The following PCDH15 variants were observed in gnomAD, a reference collection of about 807,000 sequenced individuals.
The protein encoded by PCDH15 is protocadherin-15.
PCDH15 carries 129 observed loss-of-function variants against 178.5 expected under a neutral mutation model. The ratio of observed to expected loss-of-function variants is 0.72; its 90% CI spans 0.63 to 0.84. PCDH15 has a LOEUF of 0.84. Ranked by LOEUF, PCDH15 falls within the 40% of genes least tolerant of loss-of-function variation. The pLI, the probability that PCDH15 is intolerant of heterozygous loss-of-function variation, is 0.00. For synonymous variants in PCDH15, 800 were observed against 732.0 expected (o/e 1.09, Z -1.50); for missense variants, 2,230 against 2,099.9 (o/e 1.06, Z -1.21).
chr10:54,956,207 G>A (rs74138828), intron 2 of PCDH15, among the ~76,000 whole-genome samples: 330 of 151,202 alleles, frequency 2.2e-3, no homozygotes, highest in African/African-American at 7.6e-3. Context: ...GACCACATAA[G>A]TATTGTGTAT....
chr10:54,126,260 A>G (rs35085833), intron 15 of PCDH15, among the ~76,000 whole-genome samples: 63,209 of 151,674 alleles, frequency 0.42, 14,766 homozygotes, highest in African/African-American at 0.63. Flanking sequence ...TAGTAGAGAC[A>G]GGGATTCACC....
intron 2 of PCDH15, among the ~76,000 whole-genome samples, chr10:55,612,976 T>A (rs1470350679): frequency 6.6e-6 from 1 of 151,796 alleles, no homozygotes; most frequent in African/African-American, 2.4e-5. Flanking sequence ...TATCTTCCTG[T>A]CAGAAAAGTT....
At chr10:54,108,045 G>A (rs1210840536) in intron 15 of PCDH15, among the ~76,000 whole-genome samples, 1 of 152,172 alleles carries the variant, frequency 6.6e-6, no homozygotes, top group Non-Finnish European at 1.5e-5. Flanking sequence ...CATGGTGTCT[G>A]CATGGGAAGG....
At chr10:55,073,862 C>T (rs900000628) in intron 2 of PCDH15, among the ~76,000 whole-genome samples, 1 of 151,892 alleles carries the variant, frequency 6.6e-6, no homozygotes, top group Admixed American at 6.6e-5. Flanking sequence ...CTCTTGCTCC[C>T]CCCCATCTCC....
chr10:55,137,634 A>G (rs1838232680), intron 2 of PCDH15, among the ~76,000 whole-genome samples: 1 of 152,014 alleles, frequency 6.6e-6, no homozygotes, highest in South Asian at 2.1e-4. Context: ...TAATTAGTTG[A>G]AACAGGTCAA....
intron 15 of PCDH15, among the ~76,000 whole-genome samples, chr10:54,127,706 T>TGC (rs1416299755): frequency 6.6e-6 from 1 of 152,188 alleles, no homozygotes; most frequent in Non-Finnish European, 1.5e-5. Context: ...AGTCCAAGCC[T>TGC]GCATTATATT....
chr10:54,237,451 A>G (rs929437175), intron 8 of PCDH15, among the ~76,000 whole-genome samples: 3 of 152,164 alleles, frequency 2.0e-5, no homozygotes, highest in African/African-American at 7.2e-5. Flanking sequence ...TAAATATTGC[A>G]GGTATTTACA....
chr10:55,618,122 T>A (rs1056309233), intron 2 of PCDH15, among the ~76,000 whole-genome samples: 2 of 152,136 alleles, frequency 1.3e-5, no homozygotes, highest in African/African-American at 2.4e-5. Flanking sequence ...AATCCAGGAT[T>A]TTTTTTCTAT....
chr10:54,776,748 A>C (rs1307694211), intron 1 of PCDH15, among the ~76,000 whole-genome samples: 1 of 152,158 alleles, frequency 6.6e-6, no homozygotes, highest in East Asian at 1.9e-4. Flanking sequence ...GTCATGTTTT[A>C]TGCTCGGTTT....
intron 23 of PCDH15, among the ~76,000 whole-genome samples, chr10:53,941,612 G>A (rs1419701124): frequency 6.6e-6 from 1 of 152,096 alleles, no homozygotes; most frequent in African/African-American, 2.4e-5. Context: ...TATGACTAAA[G>A]CCACTATAAA....
chr10:54,913,388 G>C (rs1165896161), intron 2 of PCDH15, among the ~76,000 whole-genome samples: 6 of 152,214 alleles, frequency 3.9e-5, no homozygotes. Flanking sequence ...GCTTCCATAT[G>C]TGTGCAGAGG....
At chr10:53,904,279 G>A (rs113161077) in intron 25 of PCDH15, among the ~76,000 whole-genome samples, 12 of 151,894 alleles carry the variant, frequency 7.9e-5, no homozygotes, top group South Asian at 4.1e-4. Flanking sequence ...ATGAACAAAC[G>A]GCAATTAACG....
chr10:54,242,130 T>TTATATA (rs57729172), intron 8 of PCDH15, among the ~76,000 whole-genome samples: 23 of 31,676 alleles, frequency 7.3e-4, no homozygotes, highest in Non-Finnish European at 9.7e-4. Flanking sequence ...AATTCTATTT[T>TTATATA]TATATATATA....
At chr10:54,124,870 A>C (rs1454344058) in intron 15 of PCDH15, among the ~76,000 whole-genome samples, 2 of 152,216 alleles carry the variant, frequency 1.3e-5, no homozygotes, top group African/African-American at 2.4e-5. Context: ...AATACCTCTG[A>C]CAGGACCTGT....
At position 55,316,120 on chromosome 10, in the gene PCDH15, A is replaced by C. The variant is rs1032517492; in HGVS notation, c.-156+3479T>G. Among the ~76,000 whole-genome samples, 7 of 152,352 alleles carry C rather than the reference A, an allele frequency of 4.6e-5. No homozygotes were observed. The South Asian group carries it at 6.2e-4, about 14-fold the overall frequency. ...TTTTTTGTAAATGAGTATATGTCCC[A>C]AAAATTTTTCCATTTTCTGTATATT... On this transcript the variant is annotated intron_variant, in intron 1 of 5. Transcript: ENST00000458638.
At chr10:54,534,803 C>T (rs1413660087) in intron 2 of PCDH15, among the ~76,000 whole-genome samples, 1 of 152,154 alleles carries the variant, frequency 6.6e-6, no homozygotes, top group Non-Finnish European at 1.5e-5. Flanking sequence ...TCCTGTTGAT[C>T]TTTGGTATAT....
At chr10:54,009,345 A>G (rs935793595) in intron 20 of PCDH15, among the ~76,000 whole-genome samples, 7 of 151,984 alleles carry the variant, frequency 4.6e-5, no homozygotes, top group African/African-American at 1.7e-4. Context: ...CCAGATCCTG[A>G]TAAAACTCTC....
chr10:54,798,043 G>A (rs1265837252), intron 1 of PCDH15, among the ~76,000 whole-genome samples: 7 of 151,846 alleles, frequency 4.6e-5, no homozygotes, highest in South Asian at 2.1e-4. Context: ...GTGTATTCTC[G>A]GTTCTTGTCA....
At chr10:54,552,513 A>G (rs574466366) in intron 2 of PCDH15, among the ~76,000 whole-genome samples, 46 of 152,314 alleles carry the variant, frequency 3.0e-4, no homozygotes, top group Middle Eastern at 6.8e-3. Context: ...AGCCGCTAAT[A>G]CCAGCTTCCT....
Sources: allele counts gnomAD v4.1 joint callset (sites outside exome capture counted in the v4.1 genomes callset), GRCh38; gene constraint gnomAD v4.1.1; transcripts MANE v1.5; gene names NCBI Gene and HGNC (gene_info 2026-07-23, HGNC 2026-07-21).